The following THSD4 variants were observed in gnomAD, a reference collection of about 807,000 sequenced individuals.
THSD4 encodes thrombospondin type-1 domain-containing protein 4.
THSD4 carries 69 observed loss-of-function variants against 119.0 expected under a neutral mutation model. The ratio of observed to expected loss-of-function variants is 0.58; its 90% confidence interval spans 0.48 to 0.71. The LOEUF (loss-of-function observed/expected upper bound fraction) is 0.71, where lower values mean the gene tolerates loss of function less well. THSD4 is among the 30% of genes least tolerant of loss of function. The probability of loss-of-function intolerance (pLI) is 0.00; values close to 1 mark genes in which losing one functional copy is unlikely to be tolerated. For missense variants in THSD4, 1,393 were observed against 1,391.1 expected, an observed-to-expected ratio of 1.00 and a Z score of -0.02; for synonymous variants, 524 against 540.4, an observed-to-expected ratio of 0.97 and a Z score of 0.42.
chr15:71,625,943 G>T (rs2050501086), intron 7 of THSD4, among the ~76,000 whole-genome samples: 1 of 152,088 alleles, frequency 6.6e-6, no homozygotes, highest in Admixed American at 6.6e-5. Context: ...ATTAGAAATG[G>T]GTAAATCAAA....
chr15:71,428,693 T>G (rs2046905398), intron 7 of THSD4, among the ~76,000 whole-genome samples: 1 of 152,188 alleles, frequency 6.6e-6, no homozygotes, highest in East Asian at 1.9e-4. Flanking sequence ...ACTTGAATTC[T>G]TTGTTTCATA....
At chr15:71,453,431 C>T (rs1288117492) in intron 7 of THSD4, among the ~76,000 whole-genome samples, 1 of 152,176 alleles carries the variant, frequency 6.6e-6, no homozygotes, top group African/African-American at 2.4e-5. Context: ...TCCTTGGATG[C>T]CTCACTGTGA....
chr15:71,587,357 A>G (rs1386118030), intron 7 of THSD4, among the ~76,000 whole-genome samples: 1 of 120,902 alleles, frequency 8.3e-6, no homozygotes, highest in Non-Finnish European at 1.8e-5. Context: ...ACAATAGCAA[A>G]GACTTGGAAC....
chr15:71,774,778 GA>G (rs11317881), intron 17 of THSD4, among the ~76,000 whole-genome samples: 11,755 of 139,764 alleles, frequency 0.084, 1,424 homozygotes, highest in African/African-American at 0.27. Context: ...CCCCATCTCT[GA>G]AAAAAAAAAA....
intron 5 of THSD4, among the ~76,000 whole-genome samples, chr15:71,250,470 A>G (rs922000508): frequency 2.0e-5 from 3 of 152,130 alleles, no homozygotes; most frequent in African/African-American, 7.2e-5. Flanking sequence ...ACAGGCATGC[A>G]CTACCATGCT....
At chr15:71,603,345 A>G (rs36110442) in intron 7 of THSD4, among the ~76,000 whole-genome samples, 14,703 of 152,260 alleles carry the variant, frequency 0.097, 863 homozygotes, top group Middle Eastern at 0.17. Context: ...AGGTCACCAC[A>G]CAGGAACTAA....
chr15:71,582,871 A>T (rs1280534297), intron 7 of THSD4, among the ~76,000 whole-genome samples: 1 of 152,138 alleles, frequency 6.6e-6, no homozygotes, highest in Non-Finnish European at 1.5e-5. Flanking sequence ...GTGGTTTTGA[A>T]TTTAGTATAC....
chr15:71,440,583 C>T (rs552109318), intron 7 of THSD4, among the ~76,000 whole-genome samples: 2 of 152,232 alleles, frequency 1.3e-5, no homozygotes, highest in South Asian at 2.1e-4. Context: ...TTGCCGTGTT[C>T]CTGCTTTTAT....
At chr15:71,605,216 G>A (rs972703984) in intron 7 of THSD4, among the ~76,000 whole-genome samples, 3 of 152,206 alleles carry the variant, frequency 2.0e-5, no homozygotes, top group South Asian at 2.1e-4. Context: ...GGACCAGACC[G>A]TGCAGGGCAT....
chr15:71,163,079 T>C (rs1176582027), intron 3 of THSD4, among the ~76,000 whole-genome samples: 4 of 152,070 alleles, frequency 2.6e-5, no homozygotes, highest in Admixed American at 6.6e-5. Context: ...TATATCTTAC[T>C]GAATTTCCTT....
chr15:71,674,521 G>A (rs183371050), intron 8 of THSD4, among the ~76,000 whole-genome samples: 17 of 152,258 alleles, frequency 1.1e-4, no homozygotes, highest in Admixed American at 2.6e-4. Context: ...GGCATGCTGT[G>A]TGAGGCATGT....
Position 71,442,642 on chromosome 15 carries a change from A to ATG in THSD4, c.1152+30820_1152+30821insGT, listed in dbSNP as rs1289076777. Among the ~76,000 whole-genome samples the ATG allele has an allele frequency of 1.6e-4, 4 of 24,728 alleles. 1 individual carries two copies. The highest frequency in any genetic ancestry group is 1.4e-3 in the Admixed American group (2 of 1,460). 16.2% of individuals were successfully genotyped at this position (24,728 alleles called of 152,430 possible). On this transcript the variant is annotated intron_variant, in intron 7 of 17. Coordinates refer to ENST00000261862, the MANE Select transcript of THSD4 (RefSeq NM_024817.3). ...TGTATATATATATGTATGTGTGTGT[A>ATG]TATGTGTGTGTGTGTGTGTATATAT...
chr15:71,618,375 T>A (rs546505763), intron 7 of THSD4, among the ~76,000 whole-genome samples: 2 of 152,290 alleles, frequency 1.3e-5, no homozygotes, highest in South Asian at 4.1e-4. Flanking sequence ...ACGACTAAAC[T>A]ATACGCATAT....
At chr15:71,392,605 A>G (rs111231472) in intron 6 of THSD4, among the ~76,000 whole-genome samples, 2,763 of 152,310 alleles carry the variant, frequency 0.018, 27 homozygotes, top group South Asian at 0.03. Flanking sequence ...TTCTTTGAAT[A>G]TAATTACATT....
intron 7 of THSD4, among the ~76,000 whole-genome samples, chr15:71,519,656 C>T (rs967725788): frequency 2.6e-5 from 4 of 152,228 alleles, no homozygotes; most frequent in African/African-American, 9.6e-5. Flanking sequence ...ACCACTGTGC[C>T]TAGCCTGAAT....
At chr15:71,277,157 C>CTTTT (rs1312290908) in intron 6 of THSD4, among the ~76,000 whole-genome samples, 1 of 74,912 alleles carries the variant, frequency 1.3e-5, no homozygotes, top group African/African-American at 7.6e-5. Context: ...CGGAGTTTCA[C>CTTTT]TCTTGTCACC....
At chr15:71,232,414 A>G (rs1411046803) in intron 4 of THSD4, among the ~76,000 whole-genome samples, 1 of 152,198 alleles carries the variant, frequency 6.6e-6, no homozygotes, top group African/African-American at 2.4e-5. Flanking sequence ...CTCAGGGATC[A>G]TGCACACACC....
chr15:71,734,908 C>T (rs1162495174), intron 10 of THSD4, among the ~76,000 whole-genome samples: 1 of 151,952 alleles, frequency 6.6e-6, no homozygotes, highest in African/African-American at 2.4e-5. Flanking sequence ...TTGCCTAGCC[C>T]TTTTCTATGC....
intron 5 of THSD4, among the ~76,000 whole-genome samples, chr15:71,252,630 C>T (rs1167236480): frequency 6.6e-6 from 1 of 152,186 alleles, no homozygotes; most frequent in Non-Finnish European, 1.5e-5. Flanking sequence ...TCACGAAGGG[C>T]ACCATGGCAT....
Sources: allele counts gnomAD v4.1 joint callset (sites outside exome capture counted in the v4.1 genomes callset), GRCh38; gene constraint gnomAD v4.1.1; transcripts MANE v1.5; gene names NCBI Gene and HGNC (gene_info 2026-07-23, HGNC 2026-07-21).